EXOC4: variants seen among roughly 807,000 people sequenced by gnomAD.
The protein encoded by EXOC4 is SEC8-like 1.
Under a neutral mutation model 107.2 loss-of-function variants are expected in EXOC4, and 71 were observed. The observed-to-expected ratio is 0.66, with a 90% confidence interval of 0.55 to 0.81. The LOEUF (loss-of-function observed/expected upper bound fraction) is 0.81. Among genes scored for constraint, EXOC4 ranks in the 30% least tolerant of loss-of-function variants. The probability of loss-of-function intolerance (pLI) is 0.00; values close to 1 mark genes in which losing one functional copy is unlikely to be tolerated. For missense variants in EXOC4, 1,108 were observed against 1,189.6 expected, an observed-to-expected ratio of 0.93 and a Z score of 1.01; for synonymous variants, 456 against 441.2, an observed-to-expected ratio of 1.03 and a Z score of -0.42.
intron 7 of EXOC4, among the ~76,000 whole-genome samples, chr7:133,449,536 G>A (rs1798292215): frequency 6.6e-6 from 1 of 152,128 alleles, no homozygotes; most frequent in South Asian, 2.1e-4. Flanking sequence ...TATCAACATT[G>A]CTCCTTAGTC....
At chr7:133,878,392 T>C (rs906902202) in intron 11 of EXOC4, among the ~76,000 whole-genome samples, 1 of 152,232 alleles carries the variant, frequency 6.6e-6, no homozygotes, top group Non-Finnish European at 1.5e-5. Context: ...GCATGTTCCA[T>C]CTTCTGTATT....
chr7:133,981,175 G>A (rs1382185730), intron 14 of EXOC4, among the ~76,000 whole-genome samples: 1 of 152,164 alleles, frequency 6.6e-6, no homozygotes, highest in African/African-American at 2.4e-5. Flanking sequence ...AGCTACTCAT[G>A]GTGATGATCT....
chr7:134,059,276 AT>A (rs2116619935), intron 17 of EXOC4, among the ~76,000 whole-genome samples: 1 of 152,318 alleles, frequency 6.6e-6, no homozygotes, highest in African/African-American at 2.4e-5. Flanking sequence ...ACTTTCAGAG[AT>A]GCAGTACTAA....
At position 133,651,724 on chromosome 7, in the gene EXOC4, G is replaced by A. The variant is rs148583362; in HGVS notation, c.1514+21583G>A. On this transcript the variant is annotated intron_variant, in intron 10 of 17. Coordinates refer to ENST00000253861, the MANE Select transcript of EXOC4 (RefSeq NM_021807.4). ...TTTTGAGATGGAGTCTTGCTCTGTC[G>A]CCCAAGCTAGAGTGCAGTGGCATGA... 2.5e-3 allele frequency among the ~76,000 whole-genome samples: 378 copies of A among 152,158 alleles called. 5 individuals carry two copies. The highest frequency in any genetic ancestry group is 8.4e-3 in the African/African-American group (349 of 41,502).
intron 5 of EXOC4, among the ~76,000 whole-genome samples, chr7:133,352,388 T>C (rs1313148297): frequency 6.6e-6 from 1 of 152,024 alleles, no homozygotes; most frequent in African/African-American, 2.4e-5. Context: ...CTTCTTACTG[T>C]GTTGAGCCTT....
chr7:133,394,316 T>A (rs1796922623), intron 7 of EXOC4, among the ~76,000 whole-genome samples: 1 of 152,202 alleles, frequency 6.6e-6, no homozygotes, highest in Admixed American at 6.5e-5. Context: ...ATTTTCTTAC[T>A]CGTATTTAAA....
chr7:133,879,004 G>A (rs1401954054), intron 11 of EXOC4, among the ~76,000 whole-genome samples: 1 of 152,018 alleles, frequency 6.6e-6, no homozygotes, highest in Admixed American at 6.6e-5. Context: ...GGATTACAGG[G>A]GTGAGCCACT....
intron 9 of EXOC4, among the ~76,000 whole-genome samples, chr7:133,596,384 C>T (rs1255832705): frequency 6.6e-6 from 1 of 152,156 alleles, no homozygotes; most frequent in African/African-American, 2.4e-5. Context: ...TTCATATTTG[C>T]AAAATGAATT....
At chr7:134,069,832 G>C (rs1796248236), downstream of EXOC4, among the ~76,000 whole-genome samples, 1 of 152,134 alleles carries the variant, frequency 6.6e-6, no homozygotes, top group African/African-American at 2.4e-5. Context: ...TGAATGGACT[G>C]AGGCCATTGA....
intron 17 of EXOC4, among the ~76,000 whole-genome samples, chr7:134,027,791 A>G (rs1795177052): frequency 6.6e-6 from 1 of 152,110 alleles, no homozygotes; most frequent in Non-Finnish European, 1.5e-5. Context: ...AGATCACTAG[A>G]TCGTACTGTC....
intron 13 of EXOC4, among the ~76,000 whole-genome samples, chr7:133,934,273 AC>A (rs1800247565): frequency 6.6e-6 from 1 of 152,174 alleles, no homozygotes; most frequent in South Asian, 2.1e-4. Context: ...AAGCTCTTTG[AC>A]ACACACAAAT....
chr7:133,372,071 A>G (rs1796389009), intron 6 of EXOC4, among the ~76,000 whole-genome samples: 1 of 152,058 alleles, frequency 6.6e-6, no homozygotes, highest in Non-Finnish European at 1.5e-5. Flanking sequence ...GTCCATTTTT[A>G]AGTTCAGTTG....
intron 3 of EXOC4, among the ~76,000 whole-genome samples, chr7:133,302,965 C>T (rs1189353608): frequency 2.0e-5 from 3 of 152,184 alleles, no homozygotes; most frequent in African/African-American, 7.2e-5. Context: ...TTCCTAAATA[C>T]AGACGATTAT....
the EXOC4 span, among the ~76,000 whole-genome samples, chr7:134,084,593 C>A: frequency 2.9e-5 from 4 of 137,422 alleles, no homozygotes; most frequent in African/African-American, 1.1e-4. Context: ...GAAGGTTTCT[C>A]TGAATGTAGA....
chr7:133,739,560 G>A (rs953219824), intron 10 of EXOC4, among the ~76,000 whole-genome samples: 6 of 152,172 alleles, frequency 3.9e-5, no homozygotes, highest in African/African-American at 9.7e-5. Context: ...GAAGCAGAAG[G>A]GGGATCCAGG....
chr7:133,365,776 C>T (rs1001853221), intron 6 of EXOC4, among the ~76,000 whole-genome samples: 3 of 152,068 alleles, frequency 2.0e-5, no homozygotes, highest in Admixed American at 6.5e-5. Context: ...GTAGCTCAGC[C>T]AGGCTTATTA....
intron 14 of EXOC4, among the ~76,000 whole-genome samples, chr7:133,985,233 G>A (rs1177927834): frequency 5.3e-5 from 8 of 152,140 alleles, no homozygotes; most frequent in Admixed American, 4.6e-4. Flanking sequence ...AATAACAAAT[G>A]GTACCGCATA....
At chr7:133,421,478 C>T (rs761095265) in intron 7 of EXOC4, among the ~76,000 whole-genome samples, 2 of 152,098 alleles carry the variant, frequency 1.3e-5, no homozygotes, top group South Asian at 2.1e-4. Context: ...TTCTACTGTA[C>T]GAGTAGCAGA....
intron 11 of EXOC4, among the ~76,000 whole-genome samples, chr7:133,851,561 A>G (rs940945426): frequency 6.6e-6 from 1 of 152,184 alleles, no homozygotes; most frequent in African/African-American, 2.4e-5. Context: ...AATACAGAGG[A>G]GCCAGGGAGT....
Sources: gnomAD v4.1 joint callset for allele counts (sites outside exome capture counted in the v4.1 genomes callset) on GRCh38, gnomAD v4.1.1 for gene constraint, MANE v1.5 for transcripts, NCBI Gene and HGNC (gene_info 2026-07-23, HGNC 2026-07-21) for gene names.